The following LDB2 variants were observed in gnomAD, a reference collection of about 807,000 sequenced individuals.
LDB2 encodes LIM domain binding 2.
A neutral mutation model predicts 44.3 loss-of-function variants in LDB2; 12 were observed. That is an observed-to-expected ratio of 0.27 (90% CI 0.17 to 0.44). LDB2 has a LOEUF of 0.44. Ranked by LOEUF, LDB2 falls within the 20% of genes least tolerant of loss-of-function variation. LDB2 has a pLI of 1.00. For synonymous variants in LDB2, 164 were observed against 174.8 expected (o/e 0.94, Z 0.49); for missense variants, 344 against 473.5 (o/e 0.73, Z 2.54).
At chr4:16,653,368 T>C (rs1738850512) in intron 2 of LDB2, among the ~76,000 whole-genome samples, 2 of 152,204 alleles carry the variant, frequency 1.3e-5, no homozygotes, top group African/African-American at 4.8e-5. Context: ...AATATCGAGC[T>C]GACAATTGGC....
chr4:16,769,867 G>A (rs930308171), intron 1 of LDB2, among the ~76,000 whole-genome samples: 2 of 152,156 alleles, frequency 1.3e-5, no homozygotes, highest in Non-Finnish European at 2.9e-5. Flanking sequence ...AGTGCCTGTG[G>A]ATGCTGCCTT....
At chr4:16,674,287 A>G in intron 2 of LDB2, 1 of 1,288,472 alleles carries the variant, frequency 7.8e-7, no homozygotes, top group Non-Finnish European at 1.0e-6. Flanking sequence ...AGCTGGTTGC[A>G]GTTTCCTCTG....
At chr4:16,671,109 A>AC (rs1485420566) in intron 2 of LDB2, among the ~76,000 whole-genome samples, 1 of 79,850 alleles carries the variant, frequency 1.3e-5, no homozygotes, top group Non-Finnish European at 2.9e-5. Flanking sequence ...TAGCACATAC[A>AC]AAAAAAAAAA....
At chr4:16,549,088 G>A (rs1444354258) in intron 5 of LDB2, among the ~76,000 whole-genome samples, 1 of 152,146 alleles carries the variant, frequency 6.6e-6, no homozygotes, top group Middle Eastern at 3.2e-3. Context: ...TCTGGTGTAG[G>A]CCATTCTCCT....
At chr4:16,741,286 T>G (rs772482397) in intron 2 of LDB2, among the ~76,000 whole-genome samples, 24 of 152,216 alleles carry the variant, frequency 1.6e-4, no homozygotes, top group Non-Finnish European at 2.9e-4. Context: ...ATTCAACAAA[T>G]ATCATTCACT....
Position 16,727,999 on chromosome 4 carries a change from C to T in LDB2, c.235+31159G>A, listed in dbSNP as rs114820652. ...ATTTAAAAATGGAGCCAAGGTTTTC[C>T]GACTCATCTTACTACAATTTGCTGG... On this transcript the variant is annotated intron_variant, in intron 2 of 7. Coordinates refer to ENST00000304523, the MANE Select transcript of LDB2 (RefSeq NM_001290.5). Among the ~76,000 whole-genome samples, 734 of 152,202 alleles carry T rather than the reference C, an allele frequency of 4.8e-3. 5 individuals carry two copies. Among genetic ancestry groups the T allele is most frequent in the Non-Finnish European group, 9.1e-3 (622 of 68,022 alleles).
rs180696194 is a variant in LDB2 at position 16,859,191 on chromosome 4, C to A, written c.132+39163G>T. Among the ~76,000 whole-genome samples the A allele has an allele frequency of 2.0e-5, 3 of 152,282 alleles. No individual in the cohort carries two copies. The East Asian group carries it at 5.8e-4, about 29-fold the overall frequency. On this transcript the variant is annotated intron_variant, in intron 1 of 7. Transcript: ENST00000304523. ...ATAAGTCATGAATGCTTACTCTGAT[C>A]CCTGGGAGTCCTACTCCAGATCTCT...
At chr4:16,587,813 G>A (rs1208910585) in intron 4 of LDB2, among the ~76,000 whole-genome samples, 1 of 152,084 alleles carries the variant, frequency 6.6e-6, no homozygotes. Context: ...CAGTTTCCTT[G>A]CTTTTAAAAC....
chr4:16,845,469 A>C (rs1156328954), intron 1 of LDB2, among the ~76,000 whole-genome samples: 2 of 152,210 alleles, frequency 1.3e-5, no homozygotes, highest in Non-Finnish European at 2.9e-5. Flanking sequence ...TTCCTACGGC[A>C]GGCACAAAGA....
chr4:16,863,822 G>A (rs1161500045), intron 1 of LDB2, among the ~76,000 whole-genome samples: 2 of 152,036 alleles, frequency 1.3e-5, no homozygotes, highest in East Asian at 1.9e-4. Flanking sequence ...CACCACGCCC[G>A]GCTAATTTTT....
chr4:16,526,495 C>T (rs1046255589), intron 5 of LDB2, among the ~76,000 whole-genome samples: 1 of 152,198 alleles, frequency 6.6e-6, no homozygotes, highest in East Asian at 1.9e-4. Context: ...AACTCCTCAG[C>T]CTCTGTCATC....
At chr4:16,823,496 T>C (rs1227086153) in intron 1 of LDB2, among the ~76,000 whole-genome samples, 1 of 151,292 alleles carries the variant, frequency 6.6e-6, no homozygotes, top group Non-Finnish European at 1.5e-5. Context: ...TTTAAGTACA[T>C]TTTTTTTTAA....
chr4:16,543,282 A>G (rs1319707533), intron 5 of LDB2, among the ~76,000 whole-genome samples: 3 of 152,314 alleles, frequency 2.0e-5, no homozygotes, highest in Admixed American at 1.3e-4. Flanking sequence ...CTTTGGGTAT[A>G]TACCCAGTAA....
intron 2 of LDB2, among the ~76,000 whole-genome samples, chr4:16,746,535 C>T (rs1274511768): frequency 6.6e-6 from 1 of 152,104 alleles, no homozygotes; most frequent in Non-Finnish European, 1.5e-5. Flanking sequence ...GCCTGTAATC[C>T]CAGCACTTTG....
intron 4 of LDB2, among the ~76,000 whole-genome samples, chr4:16,586,487 TACACACACACACACACACAC>T (rs5856368): frequency 6.4e-4 from 82 of 128,930 alleles, no homozygotes; most frequent in African/African-American, 1.7e-3. Context: ...TGTCTTGAAA[TACACACACACACACACACAC>T]ACACACACAC....
At chr4:16,874,277 T>C (rs1321829092) in intron 1 of LDB2, among the ~76,000 whole-genome samples, 1 of 152,118 alleles carries the variant, frequency 6.6e-6, no homozygotes, top group African/African-American at 2.4e-5. Flanking sequence ...GAATATATTT[T>C]AAAGTGAGAA....
chr4:16,561,962 A>G (rs543918705), intron 5 of LDB2, among the ~76,000 whole-genome samples: 2 of 152,244 alleles, frequency 1.3e-5, no homozygotes, highest in Non-Finnish European at 2.9e-5. Flanking sequence ...AAAACAAGCA[A>G]TGGGGAAAGG....
At chr4:16,660,987 G>T (rs1741418067) in intron 2 of LDB2, among the ~76,000 whole-genome samples, 1 of 152,164 alleles carries the variant, frequency 6.6e-6, no homozygotes, top group Non-Finnish European at 1.5e-5. Context: ...AACTACCAAA[G>T]ATTTAAATTT....
intron 3 of LDB2, among the ~76,000 whole-genome samples, chr4:16,593,912 T>A (rs1490711302): frequency 6.6e-6 from 1 of 152,190 alleles, no homozygotes; most frequent in Non-Finnish European, 1.5e-5. Flanking sequence ...AAGTCCCAAA[T>A]GTTCAGCACT....
Sources: gnomAD v4.1 joint callset for allele counts (sites outside exome capture counted in the v4.1 genomes callset) on GRCh38, gnomAD v4.1.1 for gene constraint, MANE v1.5 for transcripts, NCBI Gene and HGNC (gene_info 2026-07-23, HGNC 2026-07-21) for gene names.